Variants in CLEC4E observed in about 807,000 individuals in gnomAD.
CLEC4E encodes C-type (calcium dependent, carbohydrate-recognition domain) lectin, superfamily member 9.
In CLEC4E, 21 loss-of-function variants were observed where a neutral mutation model predicts 24.7. That is an observed-to-expected ratio of 0.85 (90% CI 0.60 to 1.22). The LOEUF is 1.22. Ranked by LOEUF, CLEC4E falls within the 50% of genes most tolerant of loss-of-function variation. The probability of loss-of-function intolerance (pLI) is 0.00; values close to 1 mark genes in which losing one functional copy is unlikely to be tolerated. For missense variants in CLEC4E, 249 were observed against 254.1 expected, an observed-to-expected ratio of 0.98 and a Z score of 0.14; for synonymous variants, 94 against 85.7, an observed-to-expected ratio of 1.10 and a Z score of -0.54.
Position 8,540,875 on chromosome 12 carries a change from G to T in CLEC4E, c.-78C>A. 2.1e-6 allele frequency: 2 copies of T among 950,338 alleles called. No individual in the cohort carries two copies. Among genetic ancestry groups the T allele is most frequent in the Non-Finnish European group, 3.4e-6 (2 of 580,678 alleles). 58.9% of individuals were successfully genotyped at this position (950,338 alleles called of 1,614,324 possible). On this transcript the variant is annotated 5_prime_UTR_variant, in exon 1 of 6. Coordinates refer to ENST00000299663, the MANE Select transcript of CLEC4E (RefSeq NM_014358.4). ...CCTCTCTTTCTTTCTCCTCAGGAGTGTTTTGTTGGTAAGATTCAGGGAGAA... is the reference window on the plus strand; with the variant it reads ...CCTCTCTTTCTTTCTCCTCAGGAGTTTTTTGTTGGTAAGATTCAGGGAGAA...
chr12:8,538,966 T>G (rs1284590866), intron 3 of CLEC4E: 3 of 432,840 alleles, frequency 6.9e-6, no homozygotes, highest in African/African-American at 6.1e-5. Context: ...GGTACACTCC[T>G]GGGAATAATA....
At chr12:8,535,393 A>G (rs1940598451) in intron 5 of CLEC4E, among the ~76,000 whole-genome samples, 2 of 152,218 alleles carry the variant, frequency 1.3e-5, no homozygotes, top group South Asian at 4.1e-4. Context: ...GTAAAATGAA[A>G]TAATAAATGA....
At chr12:8,538,530 G>T (rs901066427) in intron 3 of CLEC4E, among the ~76,000 whole-genome samples, 1 of 152,048 alleles carries the variant, frequency 6.6e-6, no homozygotes, top group Non-Finnish European at 1.5e-5. Flanking sequence ...AAATAACAGC[G>T]CAGCCAGACA....
intron 4 of CLEC4E, among the ~76,000 whole-genome samples, chr12:8,536,529 GC>G (rs1295552188): frequency 6.6e-6 from 1 of 152,126 alleles, no homozygotes; most frequent in African/African-American, 2.4e-5. Context: ...CTGCACTCCA[GC>G]CTGGGCAACA....
In CLEC4E at chr12:8,534,762, C is replaced by T; in HGVS notation, c.536G>A (p.Cys179Tyr). 6.2e-7 allele frequency: 1 copy of T among 1,614,112 alleles called. No homozygotes were observed. The highest frequency in any genetic ancestry group is 8.5e-7 in the Non-Finnish European group (1 of 1,180,002). The change falls in exon 6 of 6, where the codon TGT (cysteine) becomes TAT (tyrosine). Residue 179 changes from cysteine to tyrosine, a missense_variant. Transcript: ENST00000299663. ...EPNNIATLED[C>Y]ATMRDSSNPR... ...GTTTGAAGAGTCTCTCATGGTGGCA[C>T]AGTCCTCCAGGGTAGCTATGTTGTT...
intron 5 of CLEC4E, 59 bp from the exon 6 acceptor site, chr12:8,534,868 A>C: frequency 2.1e-6 from 3 of 1,402,930 alleles, no homozygotes; most frequent in Non-Finnish European, 3.0e-6. Context: ...AAGTAACCTA[A>C]TATACTAGGC....
intron 5 of CLEC4E, among the ~76,000 whole-genome samples, chr12:8,535,306 C>T (rs1940597571): frequency 6.6e-6 from 1 of 152,184 alleles, no homozygotes; most frequent in Admixed American, 6.5e-5. Flanking sequence ...AGTCACTTAA[C>T]TCTGCTGAGT....
intron 5 of CLEC4E, 31 bp from the exon 6 acceptor site, chr12:8,534,840 T>A: frequency 6.3e-7 from 1 of 1,579,734 alleles, no homozygotes; most frequent in South Asian, 1.2e-5. Context: ...AGACTTAAAA[T>A]CCCAGCAAAA....
intron 4 of CLEC4E, among the ~76,000 whole-genome samples, chr12:8,536,839 T>C (rs959615933): frequency 6.6e-6 from 1 of 152,176 alleles, no homozygotes; most frequent in African/African-American, 2.4e-5. Context: ...AATATGTTCA[T>C]AAACATAACG....
intron 3 of CLEC4E, chr12:8,538,807 AC>A (rs1940654015): frequency 4.5e-6 from 1 of 223,470 alleles, no homozygotes; most frequent in Admixed American, 5.7e-5. Context: ...GAAGGAAGTC[AC>A]TTTTTTAGTG....
In CLEC4E at chr12:8,534,599, C is replaced by G. The variant is rs781583386; in HGVS notation, c.*39G>C. On this transcript the variant is annotated 3_prime_UTR_variant, in exon 6 of 6. Transcript: ENST00000299663. ...GGCGGTGGGTGTGGCCATGTTCTTG[C>G]TCTTCCTTCTTTACACATTTGAGTT... 4.8e-5 allele frequency: 75 copies of G among 1,555,666 alleles called. No homozygotes were observed. Among genetic ancestry groups the G allele is most frequent in the Middle Eastern group, 3.5e-4 (2 of 5,794 alleles).
At chr12:8,540,649 A>AC (rs34396368) in intron 1 of CLEC4E, 112 bp downstream of exon 1, 559,358 of 884,242 alleles carry the variant, frequency 0.63, 157,814 homozygotes, top group African/African-American at 0.77. Context: ...CTGTCCCCCC[A>AC]CTTTTTTTTT....
intron 5 of CLEC4E, 69 bp from the exon 6 acceptor site, chr12:8,534,878 C>A: frequency 1.5e-6 from 2 of 1,297,294 alleles, no homozygotes; most frequent in Middle Eastern, 1.9e-4. Flanking sequence ...ATATACTAGG[C>A]AAATTACATT....
Position 8,537,219 on chromosome 12 carries a change from T to A in CLEC4E, c.268A>T (p.Ser90Cys). ...CPLNWEYFQSSCYFFSTDTIS... is the reference protein window; with the variant it reads ...CPLNWEYFQSCCYFFSTDTIS... ...GTGTCAGTAGAAAAGAAGTAGCAGC[T>A]GGATTGAAAATATTCCCAGTTCAAT... The change falls in exon 4 of 6, where the codon AGC becomes TGC. Residue 90 changes from serine (S) to cysteine (C), a missense_variant. Ser to Cys is a moderately radical substitution (Grantham distance 112). Coordinates refer to ENST00000299663, the MANE Select transcript of CLEC4E (RefSeq NM_014358.4). The A allele has an allele frequency of 6.2e-7, 1 of 1,613,894 alleles. No homozygotes were observed. The highest frequency in any genetic ancestry group is 8.5e-7 in the Non-Finnish European group (1 of 1,179,794).
intron 5 of CLEC4E, 76 bp from the exon 6 acceptor site, chr12:8,534,885 C>G: frequency 8.0e-7 from 1 of 1,254,048 alleles, no homozygotes; most frequent in Non-Finnish European, 1.1e-6. Context: ...AGGCAAATTA[C>G]ATTTGTGTTA....
chr12:8,534,547 A>G lies in CLEC4E; in HGVS notation c.*91T>C. The G allele has an allele frequency of 1.1e-6, 1 of 875,256 alleles. No homozygotes were observed. The highest frequency in any genetic ancestry group is 2.5e-5 in the East Asian group (1 of 39,966). The allele number at this position is 875,256 out of a possible 1,614,324, so 54.2% of individuals were successfully genotyped here. ...AACAAATACTTATGAAGTCCTTTGA[A>G]GTTCAGCGCACAAATTTCTCGTGTG... is the stretch of plus-strand genomic sequence containing the variant. On this transcript the variant is annotated 3_prime_UTR_variant, in exon 6 of 6. Transcript: ENST00000299663.
chr12:8,537,010 C>T, intron 4 of CLEC4E, 105 bp downstream of exon 4: 1 of 991,578 alleles, frequency 1.0e-6, no homozygotes, highest in Non-Finnish European at 1.4e-6. Context: ...CATTTTAGTA[C>T]ATTCATTAAC....
intron 5 of CLEC4E, among the ~76,000 whole-genome samples, chr12:8,535,627 T>C (rs1323751929): frequency 6.6e-6 from 1 of 152,144 alleles, no homozygotes; most frequent in African/African-American, 2.4e-5. Flanking sequence ...AGAATCAACA[T>C]ATATAGCAAA....
At chr12:8,536,322 G>A (rs1380787681) in intron 4 of CLEC4E, 117 bp from the exon 5 acceptor site, 3 of 532,080 alleles carry the variant, frequency 5.6e-6, no homozygotes, top group East Asian at 4.0e-5. Flanking sequence ...TTGGGAGGCC[G>A]AGGCGGGTGG....
Sources: allele counts gnomAD v4.1 joint callset (sites outside exome capture counted in the v4.1 genomes callset), GRCh38; gene constraint gnomAD v4.1.1; transcripts MANE v1.5; gene names NCBI Gene and HGNC (gene_info 2026-07-23, HGNC 2026-07-21).